STX8: variants seen among roughly 807,000 people sequenced by gnomAD.
STX8 encodes the protein syntaxin 8, also known as syntaxin-8.
A neutral mutation model predicts 37.5 loss-of-function variants in STX8; 23 were observed. The ratio of observed to expected loss-of-function variants is 0.61; its 90% confidence interval spans 0.44 to 0.87. The LOEUF (loss-of-function observed/expected upper bound fraction) is 0.87. Ranked by LOEUF, STX8 falls within the 40% of genes least tolerant of loss-of-function variation. The pLI is 0.00. For synonymous variants in STX8, 115 were observed against 99.1 expected, an observed-to-expected ratio of 1.16 and a Z score of -0.95; for missense variants, 313 against 284.7, an observed-to-expected ratio of 1.10 and a Z score of -0.71.
At chr17:9,362,499 A>C (rs1192399808) in intron 7 of STX8, among the ~76,000 whole-genome samples, 1 of 152,042 alleles carries the variant, frequency 6.6e-6, no homozygotes, top group Non-Finnish European at 1.5e-5. Flanking sequence ...AAAACCTGCC[A>C]AATCTTCTCC....
intron 7 of STX8, among the ~76,000 whole-genome samples, chr17:9,257,167 A>G (rs959049584): frequency 3.9e-5 from 6 of 152,052 alleles, no homozygotes; most frequent in African/African-American, 1.2e-4. Context: ...AAAAATGTCC[A>G]TTTCCTTTGG....
intron 7 of STX8, among the ~76,000 whole-genome samples, chr17:9,357,547 G>A (rs1459556341): frequency 5.9e-5 from 9 of 151,920 alleles, no homozygotes; most frequent in African/African-American, 2.2e-4. Flanking sequence ...AATACAAAAA[G>A]TAGCTGAGTA....
intron 6 of STX8, among the ~76,000 whole-genome samples, chr17:9,394,877 C>G (rs1912343097): frequency 6.6e-6 from 1 of 150,566 alleles, no homozygotes; most frequent in Non-Finnish European, 1.5e-5. Flanking sequence ...ACCAGCCTGG[C>G]CTGGCCTGGC....
chr17:9,299,618 T>C (rs541220550), intron 7 of STX8, among the ~76,000 whole-genome samples: 3 of 152,196 alleles, frequency 2.0e-5, no homozygotes, highest in Non-Finnish European at 4.4e-5. Flanking sequence ...TAATTTTTTG[T>C]ATTTTTAGTA....
At chr17:9,344,417 C>A (rs577275972) in intron 7 of STX8, among the ~76,000 whole-genome samples, 1 of 152,224 alleles carries the variant, frequency 6.6e-6, no homozygotes, top group African/African-American at 2.4e-5. Context: ...TCCGCCACCA[C>A]ACCCAGCTAA....
intron 6 of STX8, among the ~76,000 whole-genome samples, chr17:9,464,203 T>C (rs904623156): frequency 2.0e-5 from 3 of 152,248 alleles, no homozygotes; most frequent in Non-Finnish European, 4.4e-5. Flanking sequence ...AAAGAGGCAA[T>C]TATTGTAAAG....
rs745424722 is a variant in STX8, at chr17:9,546,590, G to GTTTTTTTTTTTATTTTT, written c.213-1309_213-1308insAAAAATAAAAAAAAAAA. On this transcript the variant is annotated intron_variant, in intron 3 of 7. Coordinates refer to ENST00000306357, the MANE Select transcript of STX8 (RefSeq NM_004853.3). ...CTTTCTTGATGCAAACTACAAAAGT[G>GTTTTTTTTTTTATTTTT]GTTTTTTTTTTTTTTTTTTTTTTTT... Among the ~76,000 whole-genome samples the GTTTTTTTTTTTATTTTT allele has an allele frequency of 6.4e-5, 4 of 62,218 alleles. 1 individual carries two copies. The highest frequency in any genetic ancestry group is 1.2e-4 in the Non-Finnish European group (4 of 33,686). 40.8% of individuals were successfully genotyped at this position (62,218 alleles called of 152,430 possible).
At chr17:9,270,943 C>G (rs1281151524) in intron 7 of STX8, among the ~76,000 whole-genome samples, 2 of 152,236 alleles carry the variant, frequency 1.3e-5, no homozygotes, top group Admixed American at 6.5e-5. Flanking sequence ...TGATTTTAGA[C>G]TCACAATTTC....
rs1465576500 is a variant in STX8 at position 9,256,302 on chromosome 17, T to C, written c.644-5657A>G. Among the ~76,000 whole-genome samples the C allele has an allele frequency of 4.6e-5, 7 of 152,286 alleles. No individual in the cohort carries two copies. The East Asian group carries it at 1.2e-3, about 25-fold the overall frequency. ...GTGGAGGCATCCTGATTCGAGACAG[T>C]GTGGGGGTCCCTCGGGGAGAGAGGC... On this transcript the variant is annotated intron_variant, in intron 7 of 7. Coordinates refer to ENST00000306357, the MANE Select transcript of STX8 (RefSeq NM_004853.3).
chr17:9,280,327 A>C (rs957693130), intron 7 of STX8, among the ~76,000 whole-genome samples: 1 of 152,248 alleles, frequency 6.6e-6, no homozygotes, highest in Admixed American at 6.5e-5. Flanking sequence ...TGGGAGACCA[A>C]GGCGGGTGGA....
intron 6 of STX8, among the ~76,000 whole-genome samples, chr17:9,462,386 G>GA (rs1905426114): frequency 6.6e-6 from 1 of 152,166 alleles, no homozygotes; most frequent in Non-Finnish European, 1.5e-5. Flanking sequence ...AACCTGAGAA[G>GA]AAAATCTCAT....
chr17:9,439,036 C>T (rs1297682367), intron 6 of STX8, among the ~76,000 whole-genome samples: 1 of 152,064 alleles, frequency 6.6e-6, no homozygotes, highest in Non-Finnish European at 1.5e-5. Flanking sequence ...GTTTGGATTT[C>T]ATATAATTTT....
chr17:9,415,345 G>A (rs73973737), intron 6 of STX8, among the ~76,000 whole-genome samples: 1,870 of 152,156 alleles, frequency 0.012, 38 homozygotes, highest in African/African-American at 0.043. Context: ...GTTTTCTCCT[G>A]TGTTAGTTTG....
intron 6 of STX8, among the ~76,000 whole-genome samples, chr17:9,418,932 T>C (rs867032920): frequency 2.3e-5 from 3 of 128,362 alleles, no homozygotes; most frequent in South Asian, 3.0e-4. Flanking sequence ...CTTTTTTTTT[T>C]TTTTTTAAAG....
chr17:9,416,219 G>A (rs1201969593), intron 6 of STX8, among the ~76,000 whole-genome samples: 1 of 152,124 alleles, frequency 6.6e-6, no homozygotes, highest in Non-Finnish European at 1.5e-5. Flanking sequence ...CAACTTAATT[G>A]GACTAGGGTG....
At chr17:9,553,386 T>C (rs1443734164) in intron 3 of STX8, 1 of 152,200 alleles carries the variant, frequency 6.6e-6, no homozygotes, top group Non-Finnish European at 1.5e-5. Flanking sequence ...GAGCATAACA[T>C]CTCATGCCTT....
chr17:9,285,413 T>TAAA (rs56156370), intron 7 of STX8, among the ~76,000 whole-genome samples: 1 of 108,486 alleles, frequency 9.2e-6, no homozygotes, highest in African/African-American at 3.8e-5. Context: ...AAAGTAGTGA[T>TAAA]AAAAAAAAAA....
intron 4 of STX8, among the ~76,000 whole-genome samples, chr17:9,515,580 T>A (rs1018882093): frequency 6.6e-6 from 1 of 152,200 alleles, no homozygotes; most frequent in Non-Finnish European, 1.5e-5. Context: ...GGGAGTGCAG[T>A]GGTACAATCA....
rs376777350 is a variant in STX8, at chr17:9,378,545, C to T, written c.643+7G>A. 4.8e-5 allele frequency: 77 copies of T among 1,611,868 alleles called. 1 individual carries two copies. The highest frequency in any genetic ancestry group is 2.2e-4 in the East Asian group (10 of 44,854). Reference sequence around the variant, plus strand: ...AGAAACAGAGCCATAACGTAGCTATCTCTTACCACAAGAGGCTGACTTTCT... The same window carrying T: ...AGAAACAGAGCCATAACGTAGCTATTTCTTACCACAAGAGGCTGACTTTCT... On this transcript the variant is annotated splice_region_variant and intron_variant, in intron 7 of 7. Coordinates refer to ENST00000306357, the MANE Select transcript of STX8 (RefSeq NM_004853.3).
Sources: allele counts gnomAD v4.1 joint callset (sites outside exome capture counted in the v4.1 genomes callset), GRCh38; gene constraint gnomAD v4.1.1; transcripts MANE v1.5; gene names NCBI Gene and HGNC (gene_info 2026-07-23, HGNC 2026-07-21).